PTPRD: variants seen among roughly 807,000 people sequenced by gnomAD.
PTPRD encodes the protein receptor-type tyrosine-protein phosphatase delta.
A neutral mutation model predicts 214.5 loss-of-function variants in PTPRD; 34 were observed. The observed-to-expected ratio is 0.16, with a 90% CI of 0.12 to 0.21. The LOEUF is 0.21. PTPRD is among the 10% of genes least tolerant of loss of function. The pLI, the probability that PTPRD is intolerant of heterozygous loss-of-function variation, is 1.00. For synonymous variants in PTPRD, 1,128 were observed against 845.7 expected (o/e 1.33, Z -5.79); for missense variants, 2,545 against 2,398.7 (o/e 1.06, Z -1.27).
At chr9:10,257,678 C>T (rs1478259632) in intron 3 of PTPRD, among the ~76,000 whole-genome samples, 2 of 152,190 alleles carry the variant, frequency 1.3e-5, no homozygotes, top group South Asian at 2.1e-4. Context: ...TCTGACCCCA[C>T]CTGGACCAGT....
At chr9:9,113,854 T>A (rs1162058180) in intron 10 of PTPRD, among the ~76,000 whole-genome samples, 2 of 152,182 alleles carry the variant, frequency 1.3e-5, no homozygotes, top group Non-Finnish European at 2.9e-5. Context: ...AAAAACTCAG[T>A]TCTCTTTATA....
At chr9:9,240,714 G>A (rs930607078) in intron 9 of PTPRD, among the ~76,000 whole-genome samples, 1 of 152,114 alleles carries the variant, frequency 6.6e-6, no homozygotes, top group Non-Finnish European at 1.5e-5. Context: ...AGGTATGGTA[G>A]TAATACGAAT....
At chr9:10,432,924 CT>C (rs1282739834) in intron 2 of PTPRD, among the ~76,000 whole-genome samples, 2 of 151,978 alleles carry the variant, frequency 1.3e-5, no homozygotes, top group Non-Finnish European at 2.9e-5. Context: ...ACCCCATCCC[CT>C]TTTCATTTGC....
At chr9:9,979,189 A>G (rs972380068) in intron 4 of PTPRD, among the ~76,000 whole-genome samples, 3 of 152,120 alleles carry the variant, frequency 2.0e-5, no homozygotes. Context: ...ATTTATACAA[A>G]GAAAGAGTGT....
chr9:9,813,532 T>C (rs1163800668), intron 5 of PTPRD, among the ~76,000 whole-genome samples: 2 of 152,028 alleles, frequency 1.3e-5, no homozygotes, highest in Non-Finnish European at 1.5e-5. Flanking sequence ...AATTAATAAA[T>C]TCCAAGTAGC....
chr9:9,775,973 A>AAAAAAAAAAAAC (rs1206615636), intron 5 of PTPRD, among the ~76,000 whole-genome samples: 2 of 151,032 alleles, frequency 1.3e-5, no homozygotes, highest in East Asian at 1.9e-4. Flanking sequence ...AAAAAAAAAA[A>AAAAAAAAAAAAC]AAAAAAGCAA....
At chr9:8,522,347 T>C (rs992655299) in intron 19 of PTPRD, among the ~76,000 whole-genome samples, 7 of 152,182 alleles carry the variant, frequency 4.6e-5, no homozygotes, top group Non-Finnish European at 1.0e-4. Flanking sequence ...AGGTAAAGTA[T>C]AACGATTGAA....
At chr9:8,642,728 T>C (rs751898219) in intron 12 of PTPRD, among the ~76,000 whole-genome samples, 1 of 152,162 alleles carries the variant, frequency 6.6e-6, no homozygotes, top group Non-Finnish European at 1.5e-5. Flanking sequence ...GGACTTTACA[T>C]TCCCTTCCAG....
chr9:10,434,929 A>G (rs2154521721), intron 2 of PTPRD, among the ~76,000 whole-genome samples: 1 of 151,886 alleles, frequency 6.6e-6, no homozygotes, highest in South Asian at 2.1e-4. Flanking sequence ...GGCTTCATGC[A>G]CTGAGTGAGG....
At chr9:10,082,373 G>A (rs1342448986) in intron 3 of PTPRD, among the ~76,000 whole-genome samples, 1 of 152,084 alleles carries the variant, frequency 6.6e-6, no homozygotes, top group Non-Finnish European at 1.5e-5. Context: ...TATCATAAGA[G>A]CAATCATCCT....
intron 12 of PTPRD, among the ~76,000 whole-genome samples, chr9:8,707,843 C>T (rs920889675): frequency 1.1e-4 from 17 of 152,224 alleles, no homozygotes; most frequent in African/African-American, 4.1e-4. Context: ...CATCTGTCAT[C>T]TCCCAGGTAC....
intron 10 of PTPRD, among the ~76,000 whole-genome samples, chr9:9,174,479 T>G (rs910609246): frequency 6.6e-6 from 1 of 152,186 alleles, no homozygotes; most frequent in Non-Finnish European, 1.5e-5. Context: ...GTTATGTTAT[T>G]CCAAATGTGT....
intron 11 of PTPRD, among the ~76,000 whole-genome samples, chr9:8,833,904 A>T (rs2154530546): frequency 6.6e-6 from 1 of 151,684 alleles, no homozygotes; most frequent in South Asian, 2.1e-4. Flanking sequence ...TAACCAACTT[A>T]TGGATAAATG....
intron 11 of PTPRD, among the ~76,000 whole-genome samples, chr9:8,962,443 C>G (rs564339544): frequency 6.6e-6 from 1 of 151,920 alleles, no homozygotes; most frequent in South Asian, 2.1e-4. Flanking sequence ...GAAGATGGTA[C>G]TTTGGATGTG....
intron 11 of PTPRD, among the ~76,000 whole-genome samples, chr9:8,745,263 T>C (rs2092661686): frequency 6.6e-6 from 1 of 152,204 alleles, no homozygotes; most frequent in Non-Finnish European, 1.5e-5. Context: ...TTAGAACCAA[T>C]TTTCTTTCTT....
At chr9:8,661,121 C>A (rs953937389) in intron 12 of PTPRD, among the ~76,000 whole-genome samples, 3 of 152,020 alleles carry the variant, frequency 2.0e-5, no homozygotes, top group Admixed American at 1.3e-4. Flanking sequence ...TCTATAAATA[C>A]CCTGCTCTTT....
intron 3 of PTPRD, among the ~76,000 whole-genome samples, chr9:10,263,340 T>A (rs185546366): frequency 6.6e-6 from 1 of 152,170 alleles, no homozygotes; most frequent in East Asian, 1.9e-4. Flanking sequence ...TCCTAGAGAC[T>A]TGGAGGGCTC....
chr9:9,871,425 T>A (rs2065390980), intron 5 of PTPRD, among the ~76,000 whole-genome samples: 1 of 152,190 alleles, frequency 6.6e-6, no homozygotes, highest in South Asian at 2.1e-4. Context: ...TTTCTGATAT[T>A]TTACTGCAAT....
chr9:9,948,926 C>T (rs1456945661), intron 4 of PTPRD, among the ~76,000 whole-genome samples: 2 of 151,966 alleles, frequency 1.3e-5, no homozygotes, highest in South Asian at 4.1e-4. Flanking sequence ...AAAGCAGTAG[C>T]ATTATCTAAA....
Sources: gnomAD v4.1 joint callset for allele counts (sites outside exome capture counted in the v4.1 genomes callset) on GRCh38, gnomAD v4.1.1 for gene constraint, MANE v1.5 for transcripts, NCBI Gene and HGNC (gene_info 2026-07-23, HGNC 2026-07-21) for gene names.